DDX21: variants seen among roughly 807,000 people sequenced by gnomAD.
DDX21 encodes the protein nucleolar RNA helicase 2.
Under a neutral mutation model 90.0 loss-of-function variants are expected in DDX21, and 18 were observed. The observed-to-expected ratio is 0.20, with a 90% CI of 0.14 to 0.30. The LOEUF is 0.30. Ranked by LOEUF, DDX21 falls within the 10% of genes least tolerant of loss-of-function variation. DDX21 has a pLI of 1.00. For synonymous variants in DDX21, 294 were observed against 318.0 expected (o/e 0.92, Z 0.80); for missense variants, 673 against 944.5 (o/e 0.71, Z 3.77).
In DDX21 at chr10:68,983,503, C is replaced by T. The variant is rs955298727; in HGVS notation, c.*691C>T. On this transcript the variant is annotated 3_prime_UTR_variant, in exon 15 of 15. Coordinates refer to ENST00000354185, the MANE Select transcript of DDX21 (RefSeq NM_004728.4). Reference sequence around the variant, plus strand: ...TTCATAGATAGTATATATAAAAGTACATTTTAATAGAAAGCCAGGGTTTTA... The same window carrying T: ...TTCATAGATAGTATATATAAAAGTATATTTTAATAGAAAGCCAGGGTTTTA... The T allele has an allele frequency of 3.3e-5, 5 of 151,946 alleles. No individual in the cohort carries two copies. Among genetic ancestry groups the T allele is most frequent in the Admixed American group, 1.3e-4 (2 of 15,256 alleles). The allele number at this position is 151,946 out of a possible 1,614,324, so 9.4% of individuals were successfully genotyped here. A position where few individuals can be genotyped will look rare whatever the true frequency, so the allele number is the denominator to read the frequency against.
chr10:68,968,951 A>C, intron 6 of DDX21, 25 bp from the exon 7 acceptor site: 1 of 1,610,574 alleles, frequency 6.2e-7, no homozygotes, highest in Non-Finnish European at 8.5e-7. Context: ...ATTCATACTG[A>C]CTTTTTTTTT....
chr10:68,959,032 C>T lies in DDX21; in HGVS notation c.88-774C>T, dbSNP rs545487309. Among the ~76,000 whole-genome samples, 41 of 152,072 alleles carry T rather than the reference C, an allele frequency of 2.7e-4. No individual in the cohort carries two copies. In the South Asian group the frequency reaches 8.3e-3, roughly 31 times the overall value. Reference sequence around the variant, plus strand: ...GTCTCTTAAAAAAACAAAAAAAATCCCTGTTGTTTTACCTGGGATTTTAGC... The same window carrying T: ...GTCTCTTAAAAAAACAAAAAAAATCTCTGTTGTTTTACCTGGGATTTTAGC... On this transcript the variant is annotated intron_variant, in intron 1 of 14. Coordinates refer to ENST00000354185, the MANE Select transcript of DDX21 (RefSeq NM_004728.4).
At chr10:68,978,192 AAT>A (rs1843133163) in intron 12 of DDX21, among the ~76,000 whole-genome samples, 1 of 152,142 alleles carries the variant, frequency 6.6e-6, no homozygotes, top group African/African-American at 2.4e-5. Context: ...AGAGGCAGAA[AAT>A]ATGAGTGGTC....
At chr10:68,980,097 G>A (rs1042980790) in intron 13 of DDX21, among the ~76,000 whole-genome samples, 3 of 152,092 alleles carry the variant, frequency 2.0e-5, no homozygotes, top group East Asian at 3.9e-4. Flanking sequence ...AAAATTAGCC[G>A]AGGATAATGG....
At position 68,967,136 on chromosome 10, in the gene DDX21, G is replaced by T. The variant is rs753373649; in HGVS notation, c.1023G>T (p.Val341=). The T allele has an allele frequency of 2.5e-6, 4 of 1,611,732 alleles. No homozygotes were observed. The highest frequency in any genetic ancestry group is 3.4e-6 in the Non-Finnish European group (4 of 1,179,104). The stretch of plus-strand genomic sequence containing the variant: ...TTAAGCATGTTGTCCTGGATGAAGT[G>T]GACCAGATGTTGGATATGGGATTTG... ...TKLKHVVLDE[V]DQMLDMGFAD... Residue 341 remains valine (V), a synonymous_variant, in exon 6 of 15, where the codon GTG becomes GTT. Coordinates refer to ENST00000354185, the MANE Select transcript of DDX21 (RefSeq NM_004728.4).
At chr10:68,959,287 A>G (rs1373814273) in intron 1 of DDX21, among the ~76,000 whole-genome samples, 1 of 152,022 alleles carries the variant, frequency 6.6e-6, no homozygotes, top group African/African-American at 2.4e-5. Flanking sequence ...TGAGCTCAGG[A>G]GTTTGAGACC....
At chr10:68,968,342 CAG>C (rs1189278563) in intron 6 of DDX21, among the ~76,000 whole-genome samples, 1 of 152,098 alleles carries the variant, frequency 6.6e-6, no homozygotes, top group African/African-American at 2.4e-5. Flanking sequence ...TTGATAGAGA[CAG>C]GGTCTCACTG....
At chr10:68,978,787 T>C (rs1276042048) in intron 12 of DDX21, 55 bp from the exon 13 acceptor site, 12 of 1,562,332 alleles carry the variant, frequency 7.7e-6, no homozygotes, top group Admixed American at 2.0e-5. Flanking sequence ...CAGGTATTTA[T>C]CAATTAGGTT....
chr10:68,974,757 C>T lies in DDX21; in HGVS notation c.1742+14C>T. 6.2e-7 allele frequency: 1 copy of T among 1,605,672 alleles called. No individual in the cohort carries two copies. Among genetic ancestry groups the T allele is most frequent in the South Asian group, 1.1e-5 (1 of 90,786 alleles). On this transcript the variant is annotated intron_variant, in intron 11 of 14. Transcript: ENST00000354185. ...AGATGCCATCAGGTATGTTCCCTAC[C>T]ACTGCTATGGTCTGTTTTAGTGTTG...
chr10:68,971,740 C>A, intron 8 of DDX21, 151 bp from the exon 9 acceptor site: 1 of 674,844 alleles, frequency 1.5e-6, no homozygotes, highest in Non-Finnish European at 2.5e-6. Context: ...AATATTGAGG[C>A]TTATCCATTC....
At position 68,969,085 on chromosome 10, in the gene DDX21, T is replaced by C; in HGVS notation, c.1200T>C (p.Ile400=). 6.2e-7 allele frequency: 1 copy of C among 1,613,298 alleles called. No homozygotes were observed. The highest frequency in any genetic ancestry group is 8.5e-7 in the Non-Finnish European group (1 of 1,179,854). The stretch of plus-strand genomic sequence containing the variant: ...CTACATATGAACAGGTGGACCTGAT[T>C]GGTAAAAAGACTCAGAAAACGGCAA... ...MKSTYEQVDL[I]GKKTQKTAIT... is the part of the protein sequence containing the mutation. The change falls in exon 7 of 15, where the codon ATT becomes ATC. Residue 400 remains isoleucine, a synonymous_variant. Transcript: ENST00000354185.
rs1564629888 is a variant in DDX21, at chr10:68,977,468, C to G, written c.1743-61C>G. ...AAGTTACTCATTTATCTTGAGATGT[C>G]TTAGAAATGAAATGTGTCCACTTCT... On this transcript the variant is annotated intron_variant, in intron 11 of 14. Transcript: ENST00000354185. The G allele has an allele frequency of 7.6e-6, 11 of 1,443,616 alleles. No individual in the cohort carries two copies. The East Asian group carries it at 2.6e-4, about 34-fold the overall frequency. 89.4% of individuals were successfully genotyped at this position (1,443,616 alleles called of 1,614,324 possible). A position where few individuals can be genotyped will look rare whatever the true frequency, so the allele number is the denominator to read the frequency against.
Position 68,963,464 on chromosome 10 carries a change from C to A in DDX21, c.781C>A (p.Pro261Thr). 6.2e-7 allele frequency: 1 copy of A among 1,609,272 alleles called. No homozygotes were observed. Among genetic ancestry groups the A allele is most frequent in the Non-Finnish European group, 8.5e-7 (1 of 1,177,890 alleles). The change falls in exon 4 of 15, where the codon CCT becomes ACT. Residue 261 changes from proline (P) to threonine (T), a missense_variant. Around this residue, in one of 4 missense-constraint regions of DDX21, gnomAD observed 218 missense variants for 347.3 expected, o/e 0.63. Coordinates refer to ENST00000354185, the MANE Select transcript of DDX21 (RefSeq NM_004728.4). ...GCAAGACAGGAAGAGAGGCCGTGCC[C>A]CTCAGGTAACTGTCTTAAATACAAG... The part of the protein sequence containing the change: ...ELQDRKRGRA[P>T]QVLVLAPTRE...
chr10:68,971,520 A>G (rs944497568), intron 8 of DDX21, among the ~76,000 whole-genome samples: 3 of 152,144 alleles, frequency 2.0e-5, no homozygotes, highest in Non-Finnish European at 2.9e-5. Context: ...TGCATGAGCT[A>G]CTGCACCTGG....
intron 4 of DDX21, among the ~76,000 whole-genome samples, chr10:68,964,933 G>A (rs529161340): frequency 2.6e-5 from 4 of 152,042 alleles, no homozygotes; most frequent in South Asian, 2.1e-4. Context: ...GAGCCATTGC[G>A]CCTGGCCAGC....
In DDX21 at chr10:68,963,333, T is replaced by A. The variant is rs761117694; in HGVS notation, c.650T>A (p.Phe217Tyr). 1 of 1,613,818 alleles carries A rather than the reference T, an allele frequency of 6.2e-7. No individual in the cohort carries two copies. The highest frequency in any genetic ancestry group is 8.5e-7 in the Non-Finnish European group (1 of 1,179,938). ...CTATTTCCTATACAAGCAAAGACAT[T>A]CCATCATGTTTACAGCGGGAAGGAC... is the stretch of plus-strand genomic sequence containing the variant. ...TFLFPIQAKT[F>Y]HHVYSGKDLI... The change falls in exon 4 of 15, where the codon TTC (phenylalanine) becomes TAC (tyrosine). Residue 217 changes from phenylalanine to tyrosine, a missense_variant. Around this residue, in one of 4 missense-constraint regions of DDX21, gnomAD observed 218 missense variants for 347.3 expected, o/e 0.63. Coordinates refer to ENST00000354185, the MANE Select transcript of DDX21 (RefSeq NM_004728.4).
Position 68,956,694 on chromosome 10 carries a change from TAA to T in DDX21, c.87+383_87+384del. Reference sequence around the variant, plus strand: ...TTCAGTCAGGCTCCACGTTGTTGGCTAAGACAGAACTCCCGGCATGAGCGTGC... The same window carrying T: ...TTCAGTCAGGCTCCACGTTGTTGGCTGACAGAACTCCCGGCATGAGCGTGC... On this transcript the variant is annotated intron_variant, in intron 1 of 14. Coordinates refer to ENST00000354185, the MANE Select transcript of DDX21 (RefSeq NM_004728.4). The T allele has an allele frequency of 3.8e-6, 4 of 1,054,622 alleles. No individual in the cohort carries two copies. The South Asian group carries it at 1.2e-4, about 32-fold the overall frequency. The allele number at this position is 1,054,622 out of a possible 1,614,324, so 65.3% of individuals were successfully genotyped here. A position where few individuals can be genotyped will look rare whatever the true frequency, so the allele number is the denominator to read the frequency against.
intron 11 of DDX21, among the ~76,000 whole-genome samples, chr10:68,976,562 T>C (rs1218321947): frequency 3.9e-5 from 6 of 152,152 alleles, no homozygotes; most frequent in African/African-American, 1.4e-4. Context: ...GCTGGGATTA[T>C]AGGCGTGAGC....
intron 9 of DDX21, among the ~76,000 whole-genome samples, chr10:68,972,458 C>G (rs1203558431): frequency 6.6e-6 from 1 of 152,044 alleles, no homozygotes; most frequent in Non-Finnish European, 1.5e-5. Context: ...CAAGGAGGAC[C>G]CTGAATCATA....
Sources: allele counts gnomAD v4.1 joint callset (sites outside exome capture counted in the v4.1 genomes callset), GRCh38; gene constraint gnomAD v4.1.1; regional missense constraint gnomAD v4.1.1; transcripts MANE v1.5; gene names NCBI Gene and HGNC (gene_info 2026-07-23, HGNC 2026-07-21).